The following CLIP4 variants were observed in gnomAD, a reference collection of about 807,000 sequenced individuals.
CLIP4 encodes CAP-Gly domain containing linker protein family member 4, also known as CAP-Gly domain-containing linker protein 4.
In CLIP4, 47 loss-of-function variants were observed where a neutral mutation model predicts 73.1. The observed-to-expected ratio is 0.64, with a 90% CI of 0.51 to 0.82. The LOEUF (loss-of-function observed/expected upper bound fraction) is 0.82. CLIP4 is among the 40% of genes least tolerant of loss of function. CLIP4 has a pLI of 0.00. For missense variants in CLIP4, 874 were observed against 852.9 expected (o/e 1.02, Z -0.31); for synonymous variants, 306 against 295.4 (o/e 1.04, Z -0.37).
At chr2:29,144,022 G>C in intron 7 of CLIP4, 77 bp downstream of exon 7, 8 of 1,200,770 alleles carry the variant, frequency 6.7e-6, no homozygotes, top group African/African-American at 1.5e-5. Flanking sequence ...AGTATGGTCA[G>C]AGTTTTGAGT....
rs1668655744 is a variant in CLIP4, at chr2:29,181,703, TG to T, written c.1931del (p.Gly644AlafsTer41). ...SSNEMGTVRY[V>X]GPTDFASGIW... ...AATGAGATGGGTACTGTTAGGTATG[TG>T]GGCCCCACTGACTTTGCTTCAGGTA... On this transcript the variant is annotated frameshift_variant, in exon 16 of 16. Coordinates refer to ENST00000320081, the MANE Select transcript of CLIP4 (RefSeq NM_024692.6). LOFTEE classifies it high-confidence loss of function. 6.2e-7 allele frequency: 1 copy of T among 1,614,140 alleles called. No homozygotes were observed. The highest frequency in any genetic ancestry group is 8.5e-7 in the Non-Finnish European group (1 of 1,180,018).
At chr2:29,135,787 CTT>C (rs1487548174) in intron 6 of CLIP4, 121 bp downstream of exon 6, 2 of 626,254 alleles carry the variant, frequency 3.2e-6, no homozygotes, top group Non-Finnish European at 5.4e-6. Flanking sequence ...TAATTTATAT[CTT>C]TGTGCCACAT....
At chr2:29,130,894 T>C (rs955910435) in intron 2 of CLIP4, 5 of 1,290,380 alleles carry the variant, frequency 3.9e-6, no homozygotes, top group Non-Finnish European at 5.0e-6. Context: ...AGTGGTGAGT[T>C]ACCTCAGCAA....
chr2:29,107,357 A>ATTT (rs1668239099), intron 1 of CLIP4, among the ~76,000 whole-genome samples: 1 of 52,506 alleles, frequency 1.9e-5, no homozygotes, highest in African/African-American at 7.2e-5. Context: ...GGAACATGAT[A>ATTT]GTTTTTTTTT....
Position 29,181,810 on chromosome 2 carries a change from C to G in CLIP4, c.2035C>G (p.Pro679Ala). ...TGACAAGCGCTATTTCACCTGTAAG[C>G]CGAACCATGGAGTCTTAGTTCGACC... ...VGDKRYFTCK[P>A]NHGVLVRPSR... The change falls in exon 16 of 16, where the codon CCG becomes GCG. Residue 679 changes from proline (P) to alanine (A), a missense_variant. Pro to Ala is a conservative substitution (Grantham distance 27, BLOSUM62 -1). Transcript: ENST00000320081. The G allele has an allele frequency of 2.5e-6, 4 of 1,614,132 alleles. No homozygotes were observed. The highest frequency in any genetic ancestry group is 3.4e-6 in the Non-Finnish European group (4 of 1,179,996).
chr2:29,106,058 T>TG (rs1668196959), intron 1 of CLIP4, among the ~76,000 whole-genome samples: 1 of 146,750 alleles, frequency 6.8e-6, no homozygotes, highest in South Asian at 2.1e-4. Flanking sequence ...CATTTAATCT[T>TG]TTTTTTTTTT....
intron 15 of CLIP4, among the ~76,000 whole-genome samples, chr2:29,179,184 A>C (rs1353239288): frequency 6.6e-6 from 1 of 152,106 alleles, no homozygotes; most frequent in Non-Finnish European, 1.5e-5. Flanking sequence ...TTTCTCAGCT[A>C]ATTTTTACAG....
intron 1 of CLIP4, among the ~76,000 whole-genome samples, chr2:29,101,002 G>C (rs114247043): frequency 0.01 from 1,583 of 152,148 alleles, 19 homozygotes; most frequent in African/African-American, 0.036. Flanking sequence ...TCAAAAGTAG[G>C]GAAGCCGCCC....
chr2:29,161,950 T>C (rs1265723697), intron 12 of CLIP4, among the ~76,000 whole-genome samples: 2 of 152,222 alleles, frequency 1.3e-5, no homozygotes, highest in African/African-American at 2.4e-5. Flanking sequence ...ATACCACTTA[T>C]AATTGCAAGC....
intron 2 of CLIP4, chr2:29,130,984 C>T (rs926695452): frequency 2.2e-5 from 24 of 1,074,962 alleles, no homozygotes; most frequent in Admixed American, 1.2e-4. Context: ...ACTAGCTGTG[C>T]GATGTTGAGC....
At chr2:29,107,998 T>C (rs1169976738) in intron 1 of CLIP4, among the ~76,000 whole-genome samples, 1 of 152,092 alleles carries the variant, frequency 6.6e-6, no homozygotes, top group Non-Finnish European at 1.5e-5. Context: ...GAGTTTCTTT[T>C]TTTTTTTTAA....
At chr2:29,145,168 A>G in intron 7 of CLIP4, 64 bp from the exon 8 acceptor site, 1 of 1,424,640 alleles carries the variant, frequency 7.0e-7, no homozygotes, top group Non-Finnish European at 9.6e-7. Context: ...GTAAAGTTGC[A>G]AGAGTAGGAC....
intron 1 of CLIP4, among the ~76,000 whole-genome samples, chr2:29,107,272 T>C (rs760258909): frequency 2.0e-5 from 3 of 151,372 alleles, no homozygotes; most frequent in Non-Finnish European, 4.4e-5. Context: ...TTTAGCAATA[T>C]GTAAACGCCT....
At chr2:29,133,408 T>C (rs1173832728) in intron 4 of CLIP4, among the ~76,000 whole-genome samples, 3 of 152,232 alleles carry the variant, frequency 2.0e-5, no homozygotes, top group Admixed American at 6.5e-5. Flanking sequence ...TTTCTTATTA[T>C]ACTTTTTGGA....
At chr2:29,103,882 T>A (rs933850286) in intron 1 of CLIP4, among the ~76,000 whole-genome samples, 2 of 150,976 alleles carry the variant, frequency 1.3e-5, no homozygotes, top group South Asian at 4.2e-4. Flanking sequence ...CCCAGTTAAT[T>A]TTTTTTTTAT....
At chr2:29,148,058 G>T (rs757014621) in intron 8 of CLIP4, among the ~76,000 whole-genome samples, 1 of 152,120 alleles carries the variant, frequency 6.6e-6, no homozygotes, top group Non-Finnish European at 1.5e-5. Flanking sequence ...TTATCCCAAG[G>T]GGAGGCGTGC....
intron 4 of CLIP4, 71 bp downstream of exon 4, chr2:29,132,316 C>A: frequency 7.9e-7 from 1 of 1,267,774 alleles, no homozygotes; most frequent in East Asian, 2.3e-5. Flanking sequence ...ATATTTATGC[C>A]CATATATTGT....
At chr2:29,112,667 C>T (rs116584556), upstream of CLIP4, among the ~76,000 whole-genome samples, 3,560 of 152,346 alleles carry the variant, frequency 0.023, 115 homozygotes, top group East Asian at 0.091. Context: ...CTGATGATCA[C>T]ACCTGTAAAC....
At chr2:29,139,196 G>GTT (rs70958245) in intron 6 of CLIP4, among the ~76,000 whole-genome samples, 35 of 147,900 alleles carry the variant, frequency 2.4e-4, no homozygotes, top group Admixed American at 8.8e-4. Context: ...TTTGTTGAAG[G>GTT]TTTTTTTTTT....
Sources: allele counts gnomAD v4.1 joint callset (sites outside exome capture counted in the v4.1 genomes callset), GRCh38; gene constraint gnomAD v4.1.1; transcripts MANE v1.5; gene names NCBI Gene and HGNC (gene_info 2026-07-23, HGNC 2026-07-21).